Variants in ABCA8 observed in about 807,000 individuals in gnomAD.
ABCA8 encodes the protein ATP binding cassette subfamily A member 8, also known as ABC-type organic anion transporter ABCA8.
Under a neutral mutation model 192.3 loss-of-function variants are expected in ABCA8, and 177 were observed. The observed-to-expected ratio is 0.92, with a 90% CI of 0.81 to 1.04. ABCA8 has a LOEUF of 1.04. Ranked by LOEUF, ABCA8 falls within the 50% of genes least tolerant of loss-of-function variation. The pLI is 0.00. For synonymous variants in ABCA8, 642 were observed against 690.2 expected, an observed-to-expected ratio of 0.93 and a Z score of 1.09; for missense variants, 1,915 against 1,904.8, an observed-to-expected ratio of 1.01 and a Z score of -0.10.
intron 21 of ABCA8, among the ~76,000 whole-genome samples, chr17:68,902,261 T>C (rs763670945): frequency 2.0e-5 from 3 of 152,188 alleles, no homozygotes; most frequent in Non-Finnish European, 2.9e-5. Context: ...AAACAGAATG[T>C]AAATTTGTGA....
In ABCA8 at chr17:68,929,100, C is replaced by G; in HGVS notation, c.1074G>C (p.Glu358Asp). The change falls in exon 9 of 40, where the codon GAG becomes GAC. Residue 358 changes from glutamate (E) to aspartate (D), a missense_variant. Glu to Asp is a conservative substitution (Grantham distance 45). Transcript: ENST00000586539. ...AGGGACTAAGCAAGCTTAAAATCCA[C>G]TCCAAGGATGCAGGAAGGTGTCTGT... ...SLYRHLPASL[E>D]WILSLLSPFA... 1.9e-6 allele frequency: 3 copies of G among 1,602,704 alleles called. No individual in the cohort carries two copies. The highest frequency in any genetic ancestry group is 2.6e-6 in the Non-Finnish European group (3 of 1,173,926).
At chr17:68,953,259 C>G (rs1006699709) in intron 1 of ABCA8, among the ~76,000 whole-genome samples, 18 of 152,128 alleles carry the variant, frequency 1.2e-4, no homozygotes, top group Admixed American at 7.9e-4. Flanking sequence ...GCAGCTCCAC[C>G]CTGAAGACCA....
chr17:68,920,444 CA>C (rs984382433), intron 13 of ABCA8, among the ~76,000 whole-genome samples: 835 of 119,072 alleles, frequency 7.0e-3, no homozygotes, highest in African/African-American at 0.012. Flanking sequence ...TATTGCTTAA[CA>C]AAAAAAAAAA....
At chr17:68,886,972 G>T (rs965482099) in intron 26 of ABCA8, 45 bp downstream of exon 26, 3 of 1,353,624 alleles carry the variant, frequency 2.2e-6, no homozygotes, top group African/African-American at 2.9e-5. Context: ...GCTCAGAATT[G>T]TATATCAAAT....
At chr17:68,902,933 C>T in intron 20 of ABCA8, 54 bp from the exon 21 acceptor site, 1 of 1,445,872 alleles carries the variant, frequency 6.9e-7, no homozygotes, top group Non-Finnish European at 9.5e-7. Context: ...TGATCTAATA[C>T]TCTCTGAGCA....
chr17:68,893,243 C>T (rs757883268), intron 23 of ABCA8, among the ~76,000 whole-genome samples: 37 of 152,058 alleles, frequency 2.4e-4, no homozygotes, highest in African/African-American at 8.5e-4. Flanking sequence ...TCTATGTGCT[C>T]AAAGAACTCT....
intron 30 of ABCA8, 75 bp downstream of exon 30, chr17:68,882,524 A>T: frequency 7.3e-7 from 1 of 1,374,736 alleles, no homozygotes; most frequent in South Asian, 1.6e-5. Flanking sequence ...TTTGTAAGGA[A>T]CAGAGAAACT....
At chr17:68,877,795 G>T in intron 32 of ABCA8, 116 bp from the exon 33 acceptor site, 3 of 1,113,960 alleles carry the variant, frequency 2.7e-6, no homozygotes, top group Non-Finnish European at 3.7e-6. Flanking sequence ...AACCTCATTG[G>T]GTTTAATAAT....
At chr17:68,940,500 T>C (rs941143619) in intron 4 of ABCA8, among the ~76,000 whole-genome samples, 1 of 152,136 alleles carries the variant, frequency 6.6e-6, no homozygotes, top group African/African-American at 2.4e-5. Context: ...TCAAATCCTA[T>C]ACCAGATCAA....
At chr17:68,929,346 T>C (rs545033371) in intron 8 of ABCA8, 112 bp from the exon 9 acceptor site, 77 of 1,092,578 alleles carry the variant, frequency 7.0e-5, no homozygotes, top group African/African-American at 3.0e-4. Context: ...TTGTATATTA[T>C]AGTTATTTTG....
At chr17:68,933,326 A>C (rs181806131) in intron 5 of ABCA8, 55 bp from the exon 6 acceptor site, 424 of 1,186,716 alleles carry the variant, frequency 3.6e-4, no homozygotes, top group Non-Finnish European at 2.8e-5. Context: ...TATTATTGAA[A>C]TATGATTTTA....
intron 1 of ABCA8, among the ~76,000 whole-genome samples, chr17:68,952,346 G>C (rs889223571): frequency 6.6e-6 from 1 of 152,092 alleles, no homozygotes; most frequent in Non-Finnish European, 1.5e-5. Context: ...AGCCTCCCGA[G>C]TAGCTGGGAT....
intron 2 of ABCA8, among the ~76,000 whole-genome samples, chr17:68,946,198 G>GC (rs2068402762): frequency 6.6e-6 from 1 of 151,876 alleles, no homozygotes; most frequent in South Asian, 2.1e-4. Flanking sequence ...CTCCCAAGTA[G>GC]CAGGGACTAC....
intron 14 of ABCA8, among the ~76,000 whole-genome samples, chr17:68,918,930 C>CAAAAA (rs34377045): frequency 0.011 from 526 of 45,924 alleles, 36 homozygotes; most frequent in East Asian, 0.088. Flanking sequence ...AACTCTGTCT[C>CAAAAA]AAAAAAAAAA....
chr17:68,937,177 T>C, intron 4 of ABCA8, 62 bp from the exon 5 acceptor site: 1 of 1,365,484 alleles, frequency 7.3e-7, no homozygotes, highest in Non-Finnish European at 9.9e-7. Context: ...CTTCAGGATG[T>C]CATGTTGAAT....
chr17:68,945,644 G>A (rs1242253068), intron 2 of ABCA8, among the ~76,000 whole-genome samples: 1 of 152,088 alleles, frequency 6.6e-6, no homozygotes, highest in Non-Finnish European at 1.5e-5. Context: ...TAAGACCTAA[G>A]AGAGTGACCT....
intron 21 of ABCA8, among the ~76,000 whole-genome samples, chr17:68,895,923 G>T (rs1208433440): frequency 6.6e-6 from 1 of 152,084 alleles, no homozygotes; most frequent in Admixed American, 6.6e-5. Context: ...CACGTGTAGG[G>T]CAGAGTTTCC....
intron 23 of ABCA8, among the ~76,000 whole-genome samples, chr17:68,892,040 G>T (rs2066633182): frequency 6.6e-6 from 1 of 152,246 alleles, no homozygotes; most frequent in Non-Finnish European, 1.5e-5. Flanking sequence ...GATAAATATT[G>T]GTTGAGGACG....
At chr17:68,926,423 C>T (rs2067699677) in intron 10 of ABCA8, among the ~76,000 whole-genome samples, 1 of 151,932 alleles carries the variant, frequency 6.6e-6, no homozygotes, top group African/African-American at 2.4e-5. Context: ...ACACAGCATG[C>T]CAGGGATATA....
Sources: allele counts gnomAD v4.1 joint callset (sites outside exome capture counted in the v4.1 genomes callset), GRCh38; gene constraint gnomAD v4.1.1; transcripts MANE v1.5; gene names NCBI Gene and HGNC (gene_info 2026-07-23, HGNC 2026-07-21).